CLMN: variants seen among roughly 807,000 people sequenced by gnomAD.
CLMN encodes the protein calmin.
CLMN carries 57 observed loss-of-function variants against 92.7 expected under a neutral mutation model. The ratio of observed to expected loss-of-function variants is 0.61; its 90% CI spans 0.50 to 0.77. CLMN has a LOEUF of 0.77. CLMN is among the 30% of genes least tolerant of loss of function. The pLI, the probability that CLMN is intolerant of heterozygous loss-of-function variation, is 0.00. For synonymous variants in CLMN, 466 were observed against 470.6 expected (o/e 0.99, Z 0.13); for missense variants, 1,158 against 1,237.5 (o/e 0.94, Z 0.96).
chr14:95,317,075 G>A (rs766405982), intron 1 of CLMN, among the ~76,000 whole-genome samples: 17 of 152,196 alleles, frequency 1.1e-4, no homozygotes, highest in Non-Finnish European at 2.2e-4. Flanking sequence ...ACTGAGTTCA[G>A]AAGAACAAGG....
intron 1 of CLMN, among the ~76,000 whole-genome samples, chr14:95,310,245 C>T (rs1346221709): frequency 1.3e-5 from 2 of 152,224 alleles, no homozygotes; most frequent in African/African-American, 4.8e-5. Flanking sequence ...ATTACCCAGA[C>T]TCAGGTATTT....
At chr14:95,277,585 C>T (rs1418509389) in intron 1 of CLMN, among the ~76,000 whole-genome samples, 4 of 152,224 alleles carry the variant, frequency 2.6e-5, no homozygotes, top group African/African-American at 9.6e-5. Flanking sequence ...CTGCCCAATG[C>T]TGTAGCTTAG....
In CLMN at chr14:95,208,085, A is replaced by G. The variant is rs143835747; in HGVS notation, c.885+1310T>C. 5.4e-3 allele frequency among the ~76,000 whole-genome samples: 817 copies of G among 152,298 alleles called. 6 individuals are homozygous for G. Among genetic ancestry groups the G allele is most frequent in the Middle Eastern group, 0.014 (4 of 294 alleles). On this transcript the variant is annotated intron_variant, in intron 8 of 12. Coordinates refer to ENST00000298912, the MANE Select transcript of CLMN (RefSeq NM_024734.4). Reference sequence around the variant, plus strand: ...CCAGAGACACAGGGGCAAGGCAGCCAGCTAGAAAAGCAGCTCCCCTCTCCT... The same window carrying G: ...CCAGAGACACAGGGGCAAGGCAGCCGGCTAGAAAAGCAGCTCCCCTCTCCT...
At chr14:95,204,959 T>C (rs762569852) in intron 8 of CLMN, among the ~76,000 whole-genome samples, 7 of 152,138 alleles carry the variant, frequency 4.6e-5, no homozygotes, top group Non-Finnish European at 1.0e-4. Flanking sequence ...ACAAAAGCAA[T>C]TTTCTTCATA....
intron 4 of CLMN, among the ~76,000 whole-genome samples, chr14:95,220,004 A>C (rs922044381): frequency 1.3e-5 from 2 of 151,942 alleles, no homozygotes; most frequent in Non-Finnish European, 2.9e-5. Context: ...TCTACTTTCC[A>C]TTTCCAAAAA....
At chr14:95,222,187 A>C (rs1897564911) in intron 3 of CLMN, among the ~76,000 whole-genome samples, 1 of 152,186 alleles carries the variant, frequency 6.6e-6, no homozygotes, top group Non-Finnish European at 1.5e-5. Flanking sequence ...AGGGAGCACT[A>C]GCTGTCAGCA....
At position 95,275,590 on chromosome 14, in the gene CLMN, C is replaced by CATATATGCTA. The variant is rs1899894826; in HGVS notation, c.82+44120_82+44121insTAGCATATAT. Among the ~76,000 whole-genome samples, 10 of 152,296 alleles carry CATATATGCTA rather than the reference C, an allele frequency of 6.6e-5. No homozygotes were observed. In the South Asian group the frequency reaches 2.1e-3, roughly 32 times the overall value. The stretch of plus-strand genomic sequence containing the variant: ...ATCCACGCCTTCTTTAGCATATAAT[C>CATATATGCTA]AAGAAATAACCATAAAAATCGCCAA... On this transcript the variant is annotated intron_variant, in intron 1 of 12. Transcript: ENST00000298912.
At chr14:95,231,578 C>T (rs769485008) in intron 1 of CLMN, among the ~76,000 whole-genome samples, 7 of 152,152 alleles carry the variant, frequency 4.6e-5, no homozygotes, top group African/African-American at 1.4e-4. Context: ...AAAACTGGTC[C>T]CTGGTGCCAA....
At chr14:95,298,163 T>C (rs1566920768) in intron 1 of CLMN, among the ~76,000 whole-genome samples, 1 of 152,096 alleles carries the variant, frequency 6.6e-6, no homozygotes, top group Non-Finnish European at 1.5e-5. Context: ...GCTGCCACCA[T>C]GGCACCCAAT....
chr14:95,230,200 C>G, intron 1 of CLMN, 67 bp from the exon 2 acceptor site: 28 of 1,393,374 alleles, frequency 2.0e-5, no homozygotes, highest in Non-Finnish European at 2.6e-5. Flanking sequence ...CCTTCCCCTT[C>G]CCAAGGGGAG....
In CLMN at chr14:95,194,420, A is replaced by G. The variant is rs1896643017; in HGVS notation, c.2769+116T>C. 16 of 1,570,112 alleles carry G rather than the reference A, an allele frequency of 1.0e-5. No homozygotes were observed. The highest frequency in any genetic ancestry group is 1.4e-5 in the Non-Finnish European group (16 of 1,156,974). On this transcript the variant is annotated intron_variant, in intron 11 of 12. Transcript: ENST00000298912. This position sits in a 1 kb window ranked among gnomAD's most constrained non-coding sequence, Gnocchi z 4.0. Reference sequence around the variant, plus strand: ...GTTCCAATCTGCTTGTCTTCTATCCAAAAGTATAGCTGTTGCATGCCAGTA... The same window carrying G: ...GTTCCAATCTGCTTGTCTTCTATCCGAAAGTATAGCTGTTGCATGCCAGTA...
chr14:95,228,639 T>C (rs1356131859), intron 2 of CLMN, among the ~76,000 whole-genome samples: 1 of 152,260 alleles, frequency 6.6e-6, no homozygotes, highest in Non-Finnish European at 1.5e-5. Context: ...CTTTCTTTTG[T>C]GTTAACCATA....
At position 95,191,902 on chromosome 14, in the gene CLMN, G is replaced by C; in HGVS notation, c.2841-170C>G. 1.8e-6 allele frequency: 1 copy of C among 556,720 alleles called. No homozygotes were observed. The highest frequency in any genetic ancestry group is 3.1e-6 in the Non-Finnish European group (1 of 325,450). The allele number at this position is 556,720 out of a possible 1,614,324, so 34.5% of individuals were successfully genotyped here. On this transcript the variant is annotated intron_variant, in intron 12 of 12. Coordinates refer to ENST00000298912, the MANE Select transcript of CLMN (RefSeq NM_024734.4). This position sits in a 1 kb window ranked among gnomAD's most constrained non-coding sequence, Gnocchi z 5.3. Reference sequence around the variant, plus strand: ...ACACTGTGTGTACTGGCCCAAGGCAGTGCGTCGGGCCATCCAGGCAGCCCC... The same window carrying C: ...ACACTGTGTGTACTGGCCCAAGGCACTGCGTCGGGCCATCCAGGCAGCCCC...
At chr14:95,248,039 T>C (rs1351959181) in intron 1 of CLMN, among the ~76,000 whole-genome samples, 1 of 151,882 alleles carries the variant, frequency 6.6e-6, no homozygotes, top group African/African-American at 2.4e-5. Context: ...TTTTTAATGG[T>C]GCTCTCATGG....
At chr14:95,319,219 C>T (rs1901929301) in intron 1 of CLMN, among the ~76,000 whole-genome samples, 1 of 152,056 alleles carries the variant, frequency 6.6e-6, no homozygotes, top group African/African-American at 2.4e-5. Context: ...GCACCCCTGG[C>T]CCCGCTTTCC....
At chr14:95,201,708 A>G (rs895961170) in intron 9 of CLMN, among the ~76,000 whole-genome samples, 4 of 151,632 alleles carry the variant, frequency 2.6e-5, no homozygotes, top group Admixed American at 6.6e-5. Flanking sequence ...CATGCATTAG[A>G]TATTTGTCCT....
At chr14:95,197,321 CAAG>C (rs900185726) in intron 9 of CLMN, among the ~76,000 whole-genome samples, 4 of 128,328 alleles carry the variant, frequency 3.1e-5, no homozygotes, top group Non-Finnish European at 5.0e-5. Flanking sequence ...GAAGAAAGGA[CAAG>C]AAGAAGAAAG....
rs144092869 is a variant in CLMN at position 95,271,234 on chromosome 14, A to G, written c.83-41101T>C. On this transcript the variant is annotated intron_variant, in intron 1 of 12. Transcript: ENST00000298912. ...CTTATCAGATATACAATTTGCAAAT[A>G]TTTTCTCTCAGTCTGTGGGTTATCA... Among the ~76,000 whole-genome samples the G allele has an allele frequency of 5.3e-3, 814 of 152,276 alleles. 6 individuals are homozygous for G. Among genetic ancestry groups the G allele is most frequent in the African/African-American group, 0.018 (765 of 41,544 alleles).
At chr14:95,303,035 T>C (rs1184586218) in intron 1 of CLMN, among the ~76,000 whole-genome samples, 2 of 152,212 alleles carry the variant, frequency 1.3e-5, no homozygotes, top group Non-Finnish European at 2.9e-5. Flanking sequence ...ACAGTGCTCC[T>C]AGTTCCAGGT....
Sources: allele counts gnomAD v4.1 joint callset (sites outside exome capture counted in the v4.1 genomes callset), GRCh38; gene constraint gnomAD v4.1.1; non-coding constraint Gnocchi (gnomAD v3.1); transcripts MANE v1.5; gene names NCBI Gene and HGNC (gene_info 2026-07-23, HGNC 2026-07-21).